Variants in SLC24A3 observed in about 807,000 individuals in gnomAD.
SLC24A3 encodes the protein solute carrier family 24 member 3.
In SLC24A3, 28 loss-of-function variants were observed where a neutral mutation model predicts 75.8. The ratio of observed to expected loss-of-function variants is 0.37; its 90% confidence interval spans 0.27 to 0.51. The LOEUF is 0.51. SLC24A3 is among the 20% of genes least tolerant of loss of function. The pLI is 0.94. For synonymous variants in SLC24A3, 372 were observed against 334.1 expected (o/e 1.11, Z -1.24); for missense variants, 663 against 847.8 (o/e 0.78, Z 2.71).
At chr20:19,346,532 G>A (rs902580159) in intron 2 of SLC24A3, among the ~76,000 whole-genome samples, 6 of 151,742 alleles carry the variant, frequency 4.0e-5, no homozygotes, top group Non-Finnish European at 4.4e-5. Flanking sequence ...TGGCATAATG[G>A]TATTAGCTGC....
rs1419979347 is a variant in SLC24A3, at chr20:19,706,359, C to T, written c.1719+7679C>T. On this transcript the variant is annotated intron_variant, in intron 15 of 16. Transcript: ENST00000328041. The stretch of plus-strand genomic sequence containing the variant: ...AGCAATTCCAAAACAAGACGTGATG[C>T]CTGCTCTCCTAAGGGCTGCCTATAC... Among the ~76,000 whole-genome samples, 3 of 152,106 alleles carry T rather than the reference C, an allele frequency of 2.0e-5. No individual in the cohort carries two copies. The East Asian group carries it at 5.8e-4, about 29-fold the overall frequency.
At chr20:19,678,647 C>T (rs1190925504) in intron 9 of SLC24A3, among the ~76,000 whole-genome samples, 1 of 147,378 alleles carries the variant, frequency 6.8e-6, no homozygotes, top group African/African-American at 2.6e-5. Flanking sequence ...GGGGGCTGAC[C>T]CTCCACCTCC....
In SLC24A3 at chr20:19,583,869, T is replaced by A. The variant is rs575483613; in HGVS notation, c.424-1102T>A. ...CTCGGCATCCCATGTGAAGCTTCGCTGTCCAGCCGACAGCGAAGCGACCCA... is the reference window on the plus strand; with the variant it reads ...CTCGGCATCCCATGTGAAGCTTCGCAGTCCAGCCGACAGCGAAGCGACCCA... On this transcript the variant is annotated intron_variant, in intron 4 of 16. Coordinates refer to ENST00000328041, the MANE Select transcript of SLC24A3 (RefSeq NM_020689.4). 1.8e-3 allele frequency among the ~76,000 whole-genome samples: 276 copies of A among 151,272 alleles called. 3 individuals are homozygous for A. Among genetic ancestry groups the A allele is most frequent in the African/African-American group, 5.6e-3 (232 of 41,380 alleles).
intron 2 of SLC24A3, among the ~76,000 whole-genome samples, chr20:19,514,872 A>C (rs1568640716): frequency 1.3e-5 from 2 of 152,162 alleles, no homozygotes; most frequent in Non-Finnish European, 2.9e-5. Flanking sequence ...GGGAGGGAGC[A>C]GGGAGGGGGT....
chr20:19,221,653 G>T (rs780535707), intron 1 of SLC24A3, among the ~76,000 whole-genome samples: 4 of 152,182 alleles, frequency 2.6e-5, no homozygotes, highest in Admixed American at 6.5e-5. Flanking sequence ...TGAAGGCATT[G>T]CTTGAATGTC....
At chr20:19,523,659 C>T (rs190710833) in intron 3 of SLC24A3, among the ~76,000 whole-genome samples, 16 of 152,248 alleles carry the variant, frequency 1.1e-4, no homozygotes, top group African/African-American at 1.7e-4. Flanking sequence ...CCATCTGAGT[C>T]GTAGTCCTGA....
At chr20:19,372,601 C>G (rs1389530337) in intron 2 of SLC24A3, among the ~76,000 whole-genome samples, 5 of 152,140 alleles carry the variant, frequency 3.3e-5, no homozygotes, top group African/African-American at 1.2e-4. Context: ...AACAAATCAA[C>G]AAACAGACTA....
At chr20:19,690,030 CAAAAA>C (rs538406361) in intron 12 of SLC24A3, among the ~76,000 whole-genome samples, 34 of 87,812 alleles carry the variant, frequency 3.9e-4, no homozygotes, top group South Asian at 9.7e-4. Context: ...GACTCTGTCT[CAAAAA>C]AAAAAAAAAA....
intron 8 of SLC24A3, among the ~76,000 whole-genome samples, chr20:19,671,959 CA>C (rs1894415603): frequency 6.6e-6 from 1 of 152,018 alleles, no homozygotes; most frequent in African/African-American, 2.4e-5. Context: ...GGAAGGAAGC[CA>C]GGGGTGTGGC....
rs192002752 is a variant in SLC24A3, at chr20:19,256,485, C to T, written c.143-24474C>T. On this transcript the variant is annotated intron_variant, in intron 1 of 16. Transcript: ENST00000328041. ...GTTACATGGGTGAATTTTTATGGTA[C>T]TGGCTGGGTGCAGTGGCTCACGCTT... Among the ~76,000 whole-genome samples the T allele has an allele frequency of 3.2e-4, 48 of 152,216 alleles. No homozygotes were observed. In the East Asian group the frequency reaches 9.3e-3, roughly 29 times the overall value.
At chr20:19,263,777 C>G (rs964378328) in intron 1 of SLC24A3, among the ~76,000 whole-genome samples, 2 of 152,160 alleles carry the variant, frequency 1.3e-5, no homozygotes, top group African/African-American at 4.8e-5. Flanking sequence ...AAGCAATGGG[C>G]CAAAGAATAG....
chr20:19,465,613 G>A (rs6046113), intron 2 of SLC24A3, among the ~76,000 whole-genome samples: 5,970 of 152,150 alleles, frequency 0.039, 211 homozygotes, highest in African/African-American at 0.096. Flanking sequence ...GGGGGCTTCC[G>A]GGAAAACAAG....
In SLC24A3 at chr20:19,680,128, G is replaced by C. The variant is rs13039078; in HGVS notation, c.768-1730G>C. Among the ~76,000 whole-genome samples, 1,200 of 149,224 alleles carry C rather than the reference G, an allele frequency of 8.0e-3. 11 individuals are homozygous for C. The highest frequency in any genetic ancestry group is 0.026 in the African/African-American group (1,063 of 40,204). ...AGTGTGTGTCTGTGTCTGTGTGTGT[G>C]TCTGTGTGTGTCTCTGTGTGTGTCT... On this transcript the variant is annotated intron_variant, in intron 9 of 16. Transcript: ENST00000328041.
At chr20:19,501,005 A>G (rs1568635949) in intron 2 of SLC24A3, among the ~76,000 whole-genome samples, 5 of 152,170 alleles carry the variant, frequency 3.3e-5, no homozygotes, top group Admixed American at 3.3e-4. Context: ...TAATAATTGT[A>G]TTACTTTATG....
At chr20:19,226,768 G>A (rs572599271) in intron 1 of SLC24A3, among the ~76,000 whole-genome samples, 1 of 152,220 alleles carries the variant, frequency 6.6e-6, no homozygotes, top group South Asian at 2.1e-4. Context: ...ACTTGCTCAA[G>A]GTCACAAAGT....
intron 1 of SLC24A3, among the ~76,000 whole-genome samples, chr20:19,247,111 C>T (rs1458717771): frequency 1.3e-5 from 2 of 152,014 alleles, no homozygotes; most frequent in African/African-American, 4.8e-5. Flanking sequence ...AATATAAATT[C>T]GATGATTAGA....
At chr20:19,564,158 G>C (rs553119544) in intron 3 of SLC24A3, among the ~76,000 whole-genome samples, 1 of 152,280 alleles carries the variant, frequency 6.6e-6, no homozygotes, top group South Asian at 2.1e-4. Context: ...ACTCCCACAG[G>C]GTATGGCACT....
intron 2 of SLC24A3, among the ~76,000 whole-genome samples, chr20:19,315,729 G>A (rs893693543): frequency 2.6e-5 from 4 of 152,210 alleles, no homozygotes; most frequent in Non-Finnish European, 5.9e-5. Flanking sequence ...TCATCACCCT[G>A]CTGGAAGATT....
intron 8 of SLC24A3, among the ~76,000 whole-genome samples, chr20:19,666,881 A>G (rs2122722951): frequency 6.6e-6 from 1 of 152,342 alleles, no homozygotes; most frequent in African/African-American, 2.4e-5. Flanking sequence ...TGAGCAAATC[A>G]AGCATGTTTG....
Sources: allele counts gnomAD v4.1 joint callset (sites outside exome capture counted in the v4.1 genomes callset), GRCh38; gene constraint gnomAD v4.1.1; transcripts MANE v1.5; gene names NCBI Gene and HGNC (gene_info 2026-07-23, HGNC 2026-07-21).